The following WWOX variants were observed in gnomAD, a reference collection of about 807,000 sequenced individuals.
WWOX encodes the protein WW domain containing oxidoreductase, also known as WW domain-containing oxidoreductase.
In WWOX, 69 loss-of-function variants were observed where a neutral mutation model predicts 46.2. The observed-to-expected ratio is 1.49, with a 90% confidence interval of 1.23 to 1.82. The LOEUF (loss-of-function observed/expected upper bound fraction) is 1.82. WWOX is among the 40% of genes most tolerant of loss of function. The pLI, the probability that WWOX is intolerant of heterozygous loss-of-function variation, is 0.00. For missense variants in WWOX, 919 were observed against 542.6 expected, an observed-to-expected ratio of 1.69 and a Z score of -6.89; for synonymous variants, 359 against 202.6, an observed-to-expected ratio of 1.77 and a Z score of -6.56.
intron 4 of WWOX, among the ~76,000 whole-genome samples, chr16:78,163,226 C>T (rs1038602917): frequency 1.1e-4 from 17 of 152,200 alleles, no homozygotes; most frequent in African/African-American, 4.1e-4. Context: ...TGGTATCTTC[C>T]TCCAGAGAAC....
chr16:78,405,904 G>A lies in WWOX; in HGVS notation c.605+18956G>A, dbSNP rs189396178. Among the ~76,000 whole-genome samples the A allele has an allele frequency of 1.9e-3, 283 of 152,132 alleles. 1 individual carries two copies. The highest frequency in any genetic ancestry group is 2.6e-3 in the Non-Finnish European group (174 of 67,992). ...TGACGAAGTGAGTTTTCCCTGTCAC[G>A]CCATCTTATCTGTCACATACCTCTC... is the stretch of plus-strand genomic sequence containing the variant. On this transcript the variant is annotated intron_variant, in intron 6 of 8. Coordinates refer to ENST00000566780, the MANE Select transcript of WWOX (RefSeq NM_016373.4).
chr16:78,838,919 G>A (rs906918339), intron 8 of WWOX, among the ~76,000 whole-genome samples: 20 of 152,232 alleles, frequency 1.3e-4, no homozygotes, highest in African/African-American at 4.6e-4. Context: ...TGGGGGGTGA[G>A]TGGGAACCAG....
intron 7 of WWOX, among the ~76,000 whole-genome samples, chr16:78,426,796 T>C (rs962050035): frequency 6.6e-6 from 1 of 152,194 alleles, no homozygotes; most frequent in Non-Finnish European, 1.5e-5. Flanking sequence ...TCCAAGTAGC[T>C]GGGACCACAG....
At chr16:78,137,235 C>A (rs912833773) in intron 4 of WWOX, among the ~76,000 whole-genome samples, 2 of 152,140 alleles carry the variant, frequency 1.3e-5, no homozygotes, top group Non-Finnish European at 2.9e-5. Context: ...AAGACTGCAA[C>A]GTAAATGTGT....
chr16:78,359,711 A>G (rs774234735), intron 5 of WWOX, among the ~76,000 whole-genome samples: 3 of 152,208 alleles, frequency 2.0e-5, no homozygotes, highest in Admixed American at 6.5e-5. Context: ...CAAAAACACA[A>G]CCTTTTACGA....
intron 8 of WWOX, among the ~76,000 whole-genome samples, chr16:79,114,787 C>T (rs1426653287): frequency 6.6e-6 from 1 of 152,122 alleles, no homozygotes; most frequent in East Asian, 1.9e-4. Context: ...CCAGCTGCCC[C>T]GAGCAGGAGC....
At chr16:78,640,948 A>AG (rs1237013695) in intron 8 of WWOX, among the ~76,000 whole-genome samples, 1 of 151,510 alleles carries the variant, frequency 6.6e-6, no homozygotes, top group African/African-American at 2.4e-5. Flanking sequence ...TCAAAAAAAA[A>AG]AAAAAGAAGA....
chr16:78,435,690 A>C (rs2083320283), intron 8 of WWOX, among the ~76,000 whole-genome samples: 1 of 152,128 alleles, frequency 6.6e-6, no homozygotes, highest in Non-Finnish European at 1.5e-5. Flanking sequence ...TGGCAAGACA[A>C]GAAAGTGGCA....
At chr16:78,734,248 A>G (rs919949932) in intron 8 of WWOX, among the ~76,000 whole-genome samples, 2 of 151,450 alleles carry the variant, frequency 1.3e-5, no homozygotes, top group Admixed American at 6.6e-5. Context: ...GGTTTTTTTT[A>G]TAAGTGCAAG....
intron 8 of WWOX, among the ~76,000 whole-genome samples, chr16:78,814,718 G>C (rs1403519622): frequency 6.6e-6 from 1 of 152,224 alleles, no homozygotes; most frequent in African/African-American, 2.4e-5. Flanking sequence ...GGGGGAAAAA[G>C]TTCTGCCTTC....
At chr16:79,188,322 C>T (rs1255929517) in intron 8 of WWOX, among the ~76,000 whole-genome samples, 1 of 152,222 alleles carries the variant, frequency 6.6e-6, no homozygotes, top group Non-Finnish European at 1.5e-5. Flanking sequence ...TGGTTTTAGA[C>T]ACAGCTTTGA....
intron 5 of WWOX, among the ~76,000 whole-genome samples, chr16:78,333,507 A>G (rs901190722): frequency 6.6e-6 from 1 of 152,200 alleles, no homozygotes; most frequent in African/African-American, 2.4e-5. Context: ...GACAGAATTT[A>G]AGATTAGTTC....
chr16:79,083,578 C>T (rs778925185), intron 8 of WWOX, among the ~76,000 whole-genome samples: 20 of 152,314 alleles, frequency 1.3e-4, no homozygotes, highest in Middle Eastern at 3.4e-3. Context: ...CTTATGCACG[C>T]GTATGGCTGC....
chr16:79,143,553 A>G (rs1311634380), intron 8 of WWOX, among the ~76,000 whole-genome samples: 1 of 152,188 alleles, frequency 6.6e-6, no homozygotes, highest in East Asian at 1.9e-4. Flanking sequence ...ATACATACCA[A>G]TGATTTACTC....
At chr16:78,251,411 A>C (rs2037980812) in intron 5 of WWOX, among the ~76,000 whole-genome samples, 1 of 152,026 alleles carries the variant, frequency 6.6e-6, no homozygotes, top group Non-Finnish European at 1.5e-5. Context: ...CATTTCTGCA[A>C]CCCTTATTCA....
chr16:78,375,498 G>A (rs1007659857), intron 5 of WWOX, among the ~76,000 whole-genome samples: 40 of 152,194 alleles, frequency 2.6e-4, no homozygotes, highest in African/African-American at 9.2e-4. Flanking sequence ...TATTGACTGT[G>A]CATCAGGTAT....
At chr16:78,616,450 C>T (rs1273966220) in intron 8 of WWOX, among the ~76,000 whole-genome samples, 1 of 151,530 alleles carries the variant, frequency 6.6e-6, no homozygotes, top group African/African-American at 2.4e-5. Context: ...AGAGGCAACT[C>T]TCTGGGGTAT....
At chr16:79,181,109 C>G (rs1269764085) in intron 8 of WWOX, among the ~76,000 whole-genome samples, 1 of 152,142 alleles carries the variant, frequency 6.6e-6, no homozygotes, top group Admixed American at 6.6e-5. Flanking sequence ...CTTCCCTTTG[C>G]TAAGTGGCAA....
At chr16:78,778,044 GA>G (rs11309867) in intron 8 of WWOX, among the ~76,000 whole-genome samples, 83,766 of 99,728 alleles carry the variant, frequency 0.84, 34,684 homozygotes, top group Non-Finnish European at 0.87. Context: ...GACTCCATCT[GA>G]AAAAAAAAAA....
Sources: allele counts gnomAD v4.1 joint callset (sites outside exome capture counted in the v4.1 genomes callset), GRCh38; gene constraint gnomAD v4.1.1; transcripts MANE v1.5; gene names NCBI Gene and HGNC (gene_info 2026-07-23, HGNC 2026-07-21).